The following STIM2 variants were observed in gnomAD, a reference collection of about 807,000 sequenced individuals.
STIM2 encodes the protein stromal interaction molecule 2.
In STIM2, 31 loss-of-function variants were observed where a neutral mutation model predicts 85.8. That is an observed-to-expected ratio of 0.36 (90% CI 0.27 to 0.49). The LOEUF is 0.49. Among genes scored for constraint, STIM2 ranks in the 20% least tolerant of loss-of-function variants. The pLI is 0.98. For synonymous variants in STIM2, 356 were observed against 331.1 expected (o/e 1.08, Z -0.82); for missense variants, 841 against 927.6 (o/e 0.91, Z 1.21).
chr4:27,017,400 T>G (rs924642538), intron 10 of STIM2, among the ~76,000 whole-genome samples: 2 of 152,258 alleles, frequency 1.3e-5, no homozygotes, highest in Non-Finnish European at 2.9e-5. Flanking sequence ...ATACAGGTTT[T>G]TAAATTTAAA....
chr4:26,990,467 TAAATG>T (rs1727729147), intron 3 of STIM2, among the ~76,000 whole-genome samples: 1 of 152,108 alleles, frequency 6.6e-6, no homozygotes, highest in African/African-American at 2.4e-5. Flanking sequence ...ATTAAAGACT[TAAATG>T]TAAGATCTGA....
chr4:27,022,906 AAGC>A lies in STIM2; in HGVS notation c.2156_2158del (p.Ser719del). The A allele has an allele frequency of 6.2e-7, 1 of 1,614,222 alleles. No individual in the cohort carries two copies. Among genetic ancestry groups the A allele is most frequent in the Non-Finnish European group, 8.5e-7 (1 of 1,180,038 alleles). On this transcript the variant is annotated inframe_deletion, in exon 12 of 12. Transcript: ENST00000467087. ...AGGAAGCCCCAAGTGTTGCCAGAAT[AAGC>A]AGCATCCCACATGACCTTTGTCATA...
At chr4:26,932,681 G>C (rs1434015363) in intron 2 of STIM2, among the ~76,000 whole-genome samples, 3 of 152,196 alleles carry the variant, frequency 2.0e-5, no homozygotes, top group Non-Finnish European at 4.4e-5. Context: ...GCCTGGGCCT[G>C]TAAGTGACCA....
At chr4:26,966,181 G>A (rs1726708993) in intron 3 of STIM2, among the ~76,000 whole-genome samples, 2 of 152,040 alleles carry the variant, frequency 1.3e-5, no homozygotes, top group African/African-American at 2.4e-5. Context: ...TCACTGTGAT[G>A]GACTATCTAG....
intron 2 of STIM2, among the ~76,000 whole-genome samples, chr4:26,928,461 T>C (rs1338378812): frequency 6.6e-6 from 1 of 152,234 alleles, no homozygotes; most frequent in East Asian, 1.9e-4. Context: ...CTATTTGTAA[T>C]TGATTGCATT....
intron 1 of STIM2, among the ~76,000 whole-genome samples, chr4:26,903,288 A>G (rs985791805): frequency 1.3e-5 from 2 of 152,186 alleles, no homozygotes; most frequent in African/African-American, 2.4e-5. Context: ...GACATTGTCC[A>G]ACATGTGTCT....
chr4:26,887,600 A>G (rs80346650), intron 1 of STIM2, among the ~76,000 whole-genome samples: 1,692 of 152,304 alleles, frequency 0.011, 18 homozygotes, highest in Non-Finnish European at 0.015. Flanking sequence ...TTCTAGATGT[A>G]TCCTTTGAAG....
intron 10 of STIM2, among the ~76,000 whole-genome samples, chr4:27,009,779 A>G (rs534447056): frequency 5.9e-5 from 9 of 152,302 alleles, no homozygotes; most frequent in African/African-American, 2.2e-4. Context: ...TGCAGTTAGA[A>G]TATTCTCAGT....
chr4:26,954,646 T>C (rs1454331329), intron 2 of STIM2, among the ~76,000 whole-genome samples: 1 of 148,268 alleles, frequency 6.7e-6, no homozygotes, highest in East Asian at 1.9e-4. Flanking sequence ...TTTAATAAAG[T>C]TTTTGAAAAG....
At position 27,022,684 on chromosome 4, in the gene STIM2, T is replaced by C. The variant is rs545520704; in HGVS notation, c.1929T>C (p.Thr643=). 5.6e-6 allele frequency: 9 copies of C among 1,614,232 alleles called. No homozygotes were observed. The highest frequency in any genetic ancestry group is 5.3e-5 in the African/African-American group (4 of 75,060). Residue 643 remains threonine (T), a synonymous_variant, in exon 12 of 12, where the codon ACT becomes ACC. Coordinates refer to ENST00000467087, the MANE Select transcript of STIM2 (RefSeq NM_020860.4). ...CCTCCCGAGGGGATTCGCCTGTAAC[T>C]GTGGATGTGTCTTGGGGTTCTCCCG... is the stretch of plus-strand genomic sequence containing the variant.
chr4:26,919,452 T>C, intron 1 of STIM2, 52 bp from the exon 2 acceptor site: 1 of 1,607,868 alleles, frequency 6.2e-7, no homozygotes, highest in Non-Finnish European at 8.5e-7. Context: ...TCTCTAACTA[T>C]AGCCTTTGTT....
chr4:26,884,625 G>T (rs571924773), intron 1 of STIM2, among the ~76,000 whole-genome samples: 4 of 152,108 alleles, frequency 2.6e-5, no homozygotes, highest in Non-Finnish European at 5.9e-5. Flanking sequence ...TTTAAGAAGG[G>T]GCTCTTTGCA....
chr4:26,960,137 A>T (rs1482680263), intron 3 of STIM2, among the ~76,000 whole-genome samples: 1 of 152,182 alleles, frequency 6.6e-6, no homozygotes, highest in Non-Finnish European at 1.5e-5. Context: ...GGGACAGGGC[A>T]TGTTGAGTGT....
At chr4:26,884,730 T>G (rs138941015) in intron 1 of STIM2, among the ~76,000 whole-genome samples, 1 of 152,350 alleles carries the variant, frequency 6.6e-6, no homozygotes, top group Non-Finnish European at 1.5e-5. Flanking sequence ...GAACAGCCAT[T>G]TATTGAGTAC....
intron 1 of STIM2, among the ~76,000 whole-genome samples, chr4:26,888,716 T>G (rs1365610045): frequency 6.6e-6 from 1 of 152,160 alleles, no homozygotes; most frequent in Non-Finnish European, 1.5e-5. Context: ...TTAAATTGGG[T>G]TATTGTAGTT....
At chr4:27,018,218 G>A (rs1024782510) in intron 11 of STIM2, among the ~76,000 whole-genome samples, 3 of 152,110 alleles carry the variant, frequency 2.0e-5, no homozygotes, top group South Asian at 4.1e-4. Flanking sequence ...TAAAATCATG[G>A]TGTTGGCCAG....
chr4:26,988,660 T>C (rs1727663612), intron 3 of STIM2, among the ~76,000 whole-genome samples: 1 of 152,216 alleles, frequency 6.6e-6, no homozygotes, highest in South Asian at 2.1e-4. Context: ...GAACCTCGAC[T>C]CCATACACTT....
At chr4:26,888,316 A>G (rs1229317987) in intron 1 of STIM2, among the ~76,000 whole-genome samples, 1 of 152,180 alleles carries the variant, frequency 6.6e-6, no homozygotes, top group Non-Finnish European at 1.5e-5. Context: ...ACAACTGAAA[A>G]CATGCCAACC....
chr4:26,967,465 A>C (rs910590693), intron 3 of STIM2, among the ~76,000 whole-genome samples: 4 of 152,254 alleles, frequency 2.6e-5, no homozygotes, highest in Middle Eastern at 3.4e-3. Context: ...GCATCTAGAG[A>C]GGGGAGTGTT....
Sources: gnomAD v4.1 joint callset for allele counts (sites outside exome capture counted in the v4.1 genomes callset) on GRCh38, gnomAD v4.1.1 for gene constraint, MANE v1.5 for transcripts, NCBI Gene and HGNC (gene_info 2026-07-23, HGNC 2026-07-21) for gene names.